Variants in LIMCH1 observed in about 807,000 individuals in gnomAD.
LIMCH1 encodes LIM and calponin homology domains 1, also known as LIM and calponin homology domains-containing protein 1.
LIMCH1 carries 113 observed loss-of-function variants against 176.5 expected under a neutral mutation model. The ratio of observed to expected loss-of-function variants is 0.64; its 90% CI spans 0.55 to 0.75. The LOEUF is 0.75. Ranked by LOEUF, LIMCH1 falls within the 30% of genes least tolerant of loss-of-function variation. The pLI, the probability that LIMCH1 is intolerant of heterozygous loss-of-function variation, is 0.00. For missense variants in LIMCH1, 1,674 were observed against 1,814.9 expected (o/e 0.92, Z 1.41); for synonymous variants, 619 against 645.9 (o/e 0.96, Z 0.63).
intron 1 of LIMCH1, among the ~76,000 whole-genome samples, chr4:41,455,371 A>G (rs1304105828): frequency 6.6e-6 from 1 of 152,078 alleles, no homozygotes; most frequent in Non-Finnish European, 1.5e-5. Flanking sequence ...AGGGGCAGAG[A>G]GGGTGGGGCT....
intron 5 of LIMCH1, among the ~76,000 whole-genome samples, chr4:41,614,845 T>C (rs2091890392): frequency 6.6e-6 from 1 of 152,218 alleles, no homozygotes; most frequent in South Asian, 2.1e-4. Context: ...AGCATAACAA[T>C]GTTAGCTTTA....
chr4:41,627,227 G>T (rs76289791), intron 8 of LIMCH1, among the ~76,000 whole-genome samples: 7,739 of 152,194 alleles, frequency 0.051, 657 homozygotes, highest in African/African-American at 0.18. Context: ...AGACAGTAGA[G>T]TGTCCATGTC....
chr4:41,409,153 T>C (rs1289024544), intron 1 of LIMCH1, among the ~76,000 whole-genome samples: 1 of 152,184 alleles, frequency 6.6e-6, no homozygotes, highest in East Asian at 1.9e-4. Flanking sequence ...TATGACTTTT[T>C]ATTCCTGAAG....
intron 23 of LIMCH1, among the ~76,000 whole-genome samples, chr4:41,678,109 C>T (rs184413580): frequency 9.7e-4 from 148 of 152,140 alleles, no homozygotes; most frequent in Non-Finnish European, 1.7e-3. Context: ...TGACAGGCCC[C>T]AGTGTGTGGT....
chr4:41,523,066 G>C (rs1161776333), intron 2 of LIMCH1, among the ~76,000 whole-genome samples: 1 of 152,034 alleles, frequency 6.6e-6, no homozygotes. Flanking sequence ...TATCCTGTCT[G>C]TCACAATCAC....
At position 41,670,556 on chromosome 4, in the gene LIMCH1, A is replaced by G. The variant is rs569260385; in HGVS notation, c.3398-998A>G. 8.5e-4 allele frequency among the ~76,000 whole-genome samples: 130 copies of G among 152,278 alleles called. 1 individual carries two copies. The highest frequency in any genetic ancestry group is 3.0e-3 in the African/African-American group (124 of 41,562). ...GATTTTGTACATGTCTTCAGGTTTTATATGTGTGTTATTAAGACATTTTGT... is the reference window on the plus strand; with the variant it reads ...GATTTTGTACATGTCTTCAGGTTTTGTATGTGTGTTATTAAGACATTTTGT... On this transcript the variant is annotated intron_variant, in intron 21 of 31. Coordinates refer to ENST00000503057, the MANE Select transcript of LIMCH1 (RefSeq NM_001330672.2).
rs76120005 is a variant in LIMCH1 at position 41,562,578 on chromosome 4, G to T, written c.-241+24228G>T. Reference sequence around the variant, plus strand: ...TAAATTAATTTAGACTTTAAAAATTGTGCTGATTAGATAGCAAAATCTGTA... The same window carrying T: ...TAAATTAATTTAGACTTTAAAAATTTTGCTGATTAGATAGCAAAATCTGTA... On this transcript the variant is annotated intron_variant, in intron 1 of 31. Coordinates refer to ENST00000503057, the MANE Select transcript of LIMCH1 (RefSeq NM_001330672.2). Among the ~76,000 whole-genome samples, 347 of 152,298 alleles carry T rather than the reference G, an allele frequency of 2.3e-3. 2 individuals carry two copies. Among genetic ancestry groups the T allele is most frequent in the African/African-American group, 7.7e-3 (319 of 41,576 alleles).
intron 1 of LIMCH1, among the ~76,000 whole-genome samples, chr4:41,588,546 T>C (rs962856724): frequency 1.3e-5 from 2 of 152,030 alleles, no homozygotes; most frequent in Admixed American, 1.3e-4. Flanking sequence ...GGACTTAGGG[T>C]GATAAATAAT....
intron 1 of LIMCH1, among the ~76,000 whole-genome samples, chr4:41,552,394 C>A (rs550372233): frequency 6.6e-6 from 1 of 152,282 alleles, no homozygotes; most frequent in South Asian, 2.1e-4. Flanking sequence ...TAAAACATGG[C>A]ATGTGCCACG....
intron 24 of LIMCH1, 146 bp from the exon 25 acceptor site, chr4:41,680,809 T>C (rs1715068568): frequency 2.0e-6 from 1 of 499,678 alleles, no homozygotes; most frequent in African/African-American, 1.9e-5. Context: ...ATGATTTGCA[T>C]GCTTTTGGAA....
chr4:41,610,056 C>A (rs2091243651), intron 4 of LIMCH1, among the ~76,000 whole-genome samples: 1 of 152,220 alleles, frequency 6.6e-6, no homozygotes. Context: ...CTGGCCATGC[C>A]ATTCAGCTCC....
At chr4:41,476,149 T>G (rs939806462) in intron 1 of LIMCH1, among the ~76,000 whole-genome samples, 3 of 152,090 alleles carry the variant, frequency 2.0e-5, no homozygotes, top group Admixed American at 6.5e-5. Context: ...CACAATTGCC[T>G]TTTATATCTT....
chr4:41,437,515 A>C (rs77675715), intron 1 of LIMCH1, among the ~76,000 whole-genome samples: 1,579 of 152,252 alleles, frequency 0.01, 32 homozygotes, highest in African/African-American at 0.035. Context: ...GAATTAACTT[A>C]AAGAGGAAAG....
At chr4:41,381,861 G>A (rs1272786375) in intron 1 of LIMCH1, among the ~76,000 whole-genome samples, 1 of 152,132 alleles carries the variant, frequency 6.6e-6, no homozygotes, top group African/African-American at 2.4e-5. Context: ...GACATTAGGG[G>A]TTGGATCATT....
At chr4:41,403,787 T>C (rs1035802498) in intron 1 of LIMCH1, among the ~76,000 whole-genome samples, 6 of 152,182 alleles carry the variant, frequency 3.9e-5, no homozygotes, top group African/African-American at 1.4e-4. Flanking sequence ...AGTGAACTGC[T>C]GAGAAGAAAA....
chr4:41,618,837 G>A (rs1487958057), intron 5 of LIMCH1, among the ~76,000 whole-genome samples: 1 of 152,184 alleles, frequency 6.6e-6, no homozygotes, highest in Non-Finnish European at 1.5e-5. Flanking sequence ...GGGGCTCAGT[G>A]AAAACTTCAT....
At chr4:41,589,535 G>A (rs2087108772) in intron 1 of LIMCH1, among the ~76,000 whole-genome samples, 4 of 152,158 alleles carry the variant, frequency 2.6e-5, no homozygotes, top group Admixed American at 2.6e-4. Flanking sequence ...TCCTCAGTGT[G>A]GTGGTGTGGC....
chr4:41,631,503 G>A lies in LIMCH1; in HGVS notation c.1601+26G>A, dbSNP rs191478175. On this transcript the variant is annotated intron_variant, in intron 10 of 31. Coordinates refer to ENST00000503057, the MANE Select transcript of LIMCH1 (RefSeq NM_001330672.2). ...GTATTTTTTGCCATACGTGTGCAAG[G>A]ATATCTGCATGGGAGTCACTGCTGC... The A allele has an allele frequency of 2.7e-5, 40 of 1,474,242 alleles. No individual in the cohort carries two copies. In the East Asian group the frequency reaches 9.6e-4, roughly 35 times the overall value. 91.3% of individuals were successfully genotyped at this position (1,474,242 alleles called of 1,614,324 possible).
intron 1 of LIMCH1, among the ~76,000 whole-genome samples, chr4:41,366,703 CT>C (rs1406561153): frequency 6.6e-6 from 1 of 152,190 alleles, no homozygotes; most frequent in African/African-American, 2.4e-5. Flanking sequence ...AGACTTCTGT[CT>C]GGACATAAGA....
Sources: allele counts gnomAD v4.1 joint callset (sites outside exome capture counted in the v4.1 genomes callset), GRCh38; gene constraint gnomAD v4.1.1; transcripts MANE v1.5; gene names NCBI Gene and HGNC (gene_info 2026-07-23, HGNC 2026-07-21).